The following PDE5A variants were observed in gnomAD, a reference collection of about 807,000 sequenced individuals.
PDE5A encodes cGMP-specific 3',5'-cyclic phosphodiesterase.
Under a neutral mutation model 110.2 loss-of-function variants are expected in PDE5A, and 67 were observed. The observed-to-expected ratio is 0.61, with a 90% CI of 0.50 to 0.75. The LOEUF is 0.75. PDE5A is among the 30% of genes least tolerant of loss of function. The probability of loss-of-function intolerance (pLI) is 0.00; values close to 1 mark genes in which losing one functional copy is unlikely to be tolerated. For missense variants in PDE5A, 862 were observed against 1,045.1 expected (o/e 0.82, Z 2.42); for synonymous variants, 328 against 351.2 (o/e 0.93, Z 0.74).
chr4:119,573,014 A>T (rs943077731), intron 3 of PDE5A, among the ~76,000 whole-genome samples: 1 of 152,234 alleles, frequency 6.6e-6, no homozygotes, highest in African/African-American at 2.4e-5. Context: ...AAGGTTTCTT[A>T]AATGAAATAA....
intron 1 of PDE5A, among the ~76,000 whole-genome samples, chr4:119,621,302 A>C (rs1158638218): frequency 6.6e-6 from 1 of 152,188 alleles, no homozygotes; most frequent in African/African-American, 2.4e-5. Context: ...GTGCCCCAAC[A>C]AAACAGTCAA....
chr4:119,623,394 T>A (rs1560647964), intron 1 of PDE5A, among the ~76,000 whole-genome samples: 2 of 152,080 alleles, frequency 1.3e-5, no homozygotes, highest in Non-Finnish European at 2.9e-5. Context: ...TTACTAAAGG[T>A]TTTTTTATCC....
At chr4:119,626,083 C>T (rs761003977) in intron 1 of PDE5A, among the ~76,000 whole-genome samples, 10 of 152,146 alleles carry the variant, frequency 6.6e-5, no homozygotes, top group Admixed American at 1.3e-4. Context: ...TACACACATA[C>T]ATATATATAT....
At chr4:119,536,616 G>A (rs1726732845) in intron 11 of PDE5A, among the ~76,000 whole-genome samples, 1 of 152,092 alleles carries the variant, frequency 6.6e-6, no homozygotes, top group East Asian at 1.9e-4. Context: ...AACCTTTCAG[G>A]TGCAATTAGT....
chr4:119,539,943 A>T lies in PDE5A; in HGVS notation c.1573-924T>A, dbSNP rs115284574. ...GAGATTTTTGGATTTGGACTGCTCA[A>T]CCATTAAGTATAATGCACATGTTCC... On this transcript the variant is annotated intron_variant, in intron 10 of 20. Coordinates refer to ENST00000354960, the MANE Select transcript of PDE5A (RefSeq NM_001083.4). Among the ~76,000 whole-genome samples the T allele has an allele frequency of 7.5e-3, 1,138 of 152,016 alleles. 19 individuals carry two copies. Among genetic ancestry groups the T allele is most frequent in the African/African-American group, 0.026 (1,077 of 41,448 alleles).
At chr4:119,500,693 C>T (rs1209554640) in intron 20 of PDE5A, 1 of 152,060 alleles carries the variant, frequency 6.6e-6, no homozygotes, top group Non-Finnish European at 1.5e-5. Flanking sequence ...CTACAATAAC[C>T]ACCCCCCCTC....
At chr4:119,566,330 G>A (rs982106785) in intron 4 of PDE5A, among the ~76,000 whole-genome samples, 1 of 152,124 alleles carries the variant, frequency 6.6e-6, no homozygotes, top group Admixed American at 6.6e-5. Context: ...AAAGCTCCTA[G>A]TAATTTTCAG....
intron 1 of PDE5A, among the ~76,000 whole-genome samples, chr4:119,620,502 T>C (rs1730105902): frequency 6.6e-6 from 1 of 152,182 alleles, no homozygotes; most frequent in Non-Finnish European, 1.5e-5. Flanking sequence ...AAGAAAACAA[T>C]AACTCAAATC....
intron 1 of PDE5A, among the ~76,000 whole-genome samples, chr4:119,620,981 G>C (rs1172660219): frequency 1.3e-5 from 2 of 152,200 alleles, no homozygotes; most frequent in East Asian, 3.8e-4. Flanking sequence ...TTTTCAGATA[G>C]TTAGAACCAT....
At chr4:119,533,369 CA>C (rs2110479816) in intron 11 of PDE5A, among the ~76,000 whole-genome samples, 1 of 152,254 alleles carries the variant, frequency 6.6e-6, no homozygotes, top group African/African-American at 2.4e-5. Flanking sequence ...TGCCACATTA[CA>C]CCTTATGGAA....
Position 119,525,880 on chromosome 4 carries a change from A to G in PDE5A, c.1633-185T>C, listed in dbSNP as rs1413686695. Reference sequence around the variant, plus strand: ...CTCTGCATTTTTAAAACTGAGCCACATAAGGGTAATTAATATGGTTCAAAG... The same window carrying G: ...CTCTGCATTTTTAAAACTGAGCCACGTAAGGGTAATTAATATGGTTCAAAG... On this transcript the variant is annotated intron_variant, in intron 11 of 20. Transcript: ENST00000354960. The surrounding 1 kb of genome is among the most constrained non-coding windows in gnomAD (Gnocchi z 4.3). Among the ~76,000 whole-genome samples the G allele has an allele frequency of 6.6e-6, 1 of 152,086 alleles. No homozygotes were observed. Among genetic ancestry groups the G allele is most frequent in the Non-Finnish European group, 1.5e-5 (1 of 68,000 alleles).
intron 3 of PDE5A, among the ~76,000 whole-genome samples, chr4:119,581,276 G>A (rs1191686242): frequency 6.6e-6 from 1 of 152,172 alleles, no homozygotes; most frequent in Non-Finnish European, 1.5e-5. Flanking sequence ...ATTAAAGTTG[G>A]TATCAAAGGG....
At chr4:119,547,109 T>G (rs12502531) in intron 9 of PDE5A, among the ~76,000 whole-genome samples, 115 of 100,884 alleles carry the variant, frequency 1.1e-3, no homozygotes, top group African/African-American at 1.6e-3. Context: ...GGCAATAGTT[T>G]TTTTTTTTTT....
chr4:119,543,618 T>G (rs1178901915), intron 9 of PDE5A: 1 of 152,208 alleles, frequency 6.6e-6, no homozygotes, highest in Non-Finnish European at 1.5e-5. Flanking sequence ...CTGGTATGTG[T>G]AGGTCTAAAA....
intron 1 of PDE5A, among the ~76,000 whole-genome samples, chr4:119,611,338 C>G (rs1182126413): frequency 1.3e-5 from 2 of 152,194 alleles, no homozygotes; most frequent in African/African-American, 4.8e-5. Flanking sequence ...TTAATGCTTA[C>G]CACATACAGT....
At chr4:119,544,297 T>A (rs1211548028) in intron 9 of PDE5A, among the ~76,000 whole-genome samples, 1 of 152,206 alleles carries the variant, frequency 6.6e-6, no homozygotes, top group African/African-American at 2.4e-5. Context: ...TTTGCAATAG[T>A]GCTGCAGAAG....
Position 119,606,863 on chromosome 4 carries a change from T to C in PDE5A, c.587A>G (p.Asn196Ser), listed in dbSNP as rs370533932. 5 of 1,614,120 alleles carry C rather than the reference T, an allele frequency of 3.1e-6. No individual in the cohort carries two copies. Among genetic ancestry groups the C allele is most frequent in the South Asian group, 1.1e-5 (1 of 91,092 alleles). The change falls in exon 2 of 21, where the codon AAT becomes AGT. Residue 196 changes from asparagine (N) to serine (S), a missense_variant. Transcript: ENST00000354960. ...SLFLVCEDSS[N>S]DKFLISRLFD... is the part of the protein sequence containing the mutation. ...GAGGCGGCTGATAAGAAACTTGTCA[T>C]TGGAGCTGTCTTCACAGACAAGGAA...
chr4:119,600,911 A>G (rs1729321959), intron 2 of PDE5A, among the ~76,000 whole-genome samples: 1 of 152,166 alleles, frequency 6.6e-6, no homozygotes, highest in South Asian at 2.1e-4. Context: ...ACTATTGGAG[A>G]AACCTGGTAG....
At chr4:119,626,560 T>C (rs993013126) in intron 1 of PDE5A, among the ~76,000 whole-genome samples, 2 of 152,228 alleles carry the variant, frequency 1.3e-5, no homozygotes, top group African/African-American at 4.8e-5. Flanking sequence ...GATCATTCTA[T>C]GCGCTGTAAT....
Sources: allele counts gnomAD v4.1 joint callset (sites outside exome capture counted in the v4.1 genomes callset), GRCh38; gene constraint gnomAD v4.1.1; non-coding constraint Gnocchi (gnomAD v3.1); transcripts MANE v1.5; gene names NCBI Gene and HGNC (gene_info 2026-07-23, HGNC 2026-07-21).